The following DMGDH variants were observed in gnomAD, a reference collection of about 807,000 sequenced individuals.
The protein encoded by DMGDH is dimethylglycine dehydrogenase, also known as dimethylglycine dehydrogenase, mitochondrial.
Under a neutral mutation model 95.2 loss-of-function variants are expected in DMGDH, and 76 were observed. The ratio of observed to expected loss-of-function variants is 0.80; its 90% CI spans 0.66 to 0.97. DMGDH has a LOEUF of 0.97. Among genes scored for constraint, DMGDH ranks in the 50% least tolerant of loss-of-function variants. The probability of loss-of-function intolerance (pLI) is 0.00; values close to 1 mark genes in which losing one functional copy is unlikely to be tolerated. For synonymous variants in DMGDH, 345 were observed against 377.6 expected (o/e 0.91, Z 1.00); for missense variants, 987 against 1,055.0 (o/e 0.94, Z 0.89).
At chr5:79,027,211 A>G (rs1329313641) in intron 12 of DMGDH, among the ~76,000 whole-genome samples, 3 of 152,130 alleles carry the variant, frequency 2.0e-5, no homozygotes, top group African/African-American at 2.4e-5. Context: ...TTGTTGAGAC[A>G]GGGTCTCACT....
In DMGDH at chr5:78,998,048, A is replaced by G. The variant is rs771653648; in HGVS notation, c.*34T>C. On this transcript the variant is annotated 3_prime_UTR_variant, in exon 16 of 16. Coordinates refer to ENST00000255189, the MANE Select transcript of DMGDH (RefSeq NM_013391.3). ...AATAATTTCAAGGACAGTCATTAGCAACTCTAATTCAGTTGACTGCTGAAG... is the reference window on the plus strand; with the variant it reads ...AATAATTTCAAGGACAGTCATTAGCGACTCTAATTCAGTTGACTGCTGAAG... 6.2e-7 allele frequency: 1 copy of G among 1,606,228 alleles called. No homozygotes were observed.
At position 79,026,429 on chromosome 5, in the gene DMGDH, A is replaced by G; in HGVS notation, c.2185T>C (p.Leu729=). The G allele has an allele frequency of 6.2e-7, 1 of 1,614,018 alleles. No individual in the cohort carries two copies. Among genetic ancestry groups the G allele is most frequent in the Non-Finnish European group, 8.5e-7 (1 of 1,179,990 alleles). Residue 729 remains leucine, a synonymous_variant, in exon 13 of 16, where the codon TTA becomes CTA. Transcript: ENST00000255189. Reference sequence around the variant, plus strand: ...AAGATGCTAGCATTTCAAACCTCTAACCCCCAGGCTCTGAAGGCTTTCTCC... The same window carrying G: ...AAGATGCTAGCATTTCAAACCTCTAGCCCCCAGGCTCTGAAGGCTTTCTCC... ...RLEKAFRAWG[L]EMNCDTNPLE...
chr5:79,042,213 G>T, intron 7 of DMGDH, 70 bp downstream of exon 7: 3 of 1,423,640 alleles, frequency 2.1e-6, no homozygotes, highest in Non-Finnish European at 3.0e-6. Context: ...TGCATCCTGA[G>T]AATATGGAAC....
chr5:79,042,679 T>C (rs1346980456), intron 6 of DMGDH, among the ~76,000 whole-genome samples, 198 bp from the exon 7 acceptor site: 5 of 152,240 alleles, frequency 3.3e-5, no homozygotes, highest in Non-Finnish European at 7.3e-5. Context: ...ATGGTATTGT[T>C]CTTGAAACAA....
At position 79,035,032 on chromosome 5, in the gene DMGDH, G is replaced by A. The variant is rs6868881; in HGVS notation, c.1194-1624C>T. ...AGATCGCGCCACTGCACTCCAACCT[G>A]GGAGACACAGCGAGACTCCATCTCA... On this transcript the variant is annotated intron_variant, in intron 7 of 15. Coordinates refer to ENST00000255189, the MANE Select transcript of DMGDH (RefSeq NM_013391.3). Among the ~76,000 whole-genome samples, 571 of 130,310 alleles carry A rather than the reference G, an allele frequency of 4.4e-3. 7 individuals carry two copies. Among genetic ancestry groups the A allele is most frequent in the African/African-American group, 0.016 (541 of 34,030 alleles). 85.5% of individuals were successfully genotyped at this position (130,310 alleles called of 152,430 possible).
chr5:79,059,132 C>T (rs907870875), intron 2 of DMGDH, among the ~76,000 whole-genome samples: 2 of 152,142 alleles, frequency 1.3e-5, no homozygotes, highest in African/African-American at 4.8e-5. Flanking sequence ...CTCAAAAACA[C>T]TTTTTATTTT....
At chr5:78,999,507 AT>A (rs1213774221) in intron 15 of DMGDH, among the ~76,000 whole-genome samples, 1 of 150,132 alleles carries the variant, frequency 6.7e-6, no homozygotes, top group Non-Finnish European at 1.5e-5. Context: ...ATTTTTTTGT[AT>A]TTTTTTAGTA....
chr5:79,048,050 C>G (rs1447746201), intron 5 of DMGDH, among the ~76,000 whole-genome samples: 5 of 152,132 alleles, frequency 3.3e-5, no homozygotes, highest in Non-Finnish European at 7.4e-5. Context: ...AGTCTTAAGT[C>G]TGGTACCAAG....
intron 14 of DMGDH, among the ~76,000 whole-genome samples, chr5:79,009,160 G>A (rs1319741149): frequency 5.9e-5 from 9 of 152,066 alleles, no homozygotes. Flanking sequence ...TGTGTACTAT[G>A]TAAAAGTATC....
At chr5:79,016,016 G>C (rs1462603633) in intron 14 of DMGDH, among the ~76,000 whole-genome samples, 1 of 151,830 alleles carries the variant, frequency 6.6e-6, no homozygotes, top group African/African-American at 2.4e-5. Flanking sequence ...GAACTTCCAG[G>C]CAAGAATATA....
chr5:79,004,135 A>T (rs1025335758), intron 15 of DMGDH, among the ~76,000 whole-genome samples: 1 of 152,182 alleles, frequency 6.6e-6, no homozygotes, highest in African/African-American at 2.4e-5. Context: ...ACGTAACCTC[A>T]AGCAAGTTAC....
At chr5:79,049,675 T>C (rs1754779155) in intron 5 of DMGDH, among the ~76,000 whole-genome samples, 1 of 152,224 alleles carries the variant, frequency 6.6e-6, no homozygotes, top group Non-Finnish European at 1.5e-5. Context: ...TGACAGAATT[T>C]AGACCAGAGA....
At chr5:79,041,723 G>A (rs114422678) in intron 7 of DMGDH, among the ~76,000 whole-genome samples, 2,819 of 152,006 alleles carry the variant, frequency 0.019, 93 homozygotes, top group African/African-American at 0.064. Flanking sequence ...GGCCGGGTGC[G>A]GTGGTTCACA....
Position 79,066,793 on chromosome 5 carries a change from G to A in DMGDH, c.101+2727C>T, listed in dbSNP as rs776283744. 2.6e-5 allele frequency among the ~76,000 whole-genome samples: 4 copies of A among 152,254 alleles called. No homozygotes were observed. In the South Asian group the frequency reaches 6.2e-4, roughly 24 times the overall value. On this transcript the variant is annotated intron_variant, in intron 1 of 15. Transcript: ENST00000255189. ...TGTTTCTGTCTGATGACTTGCTTAA[G>A]GTGGTGTCTGTCTGATTTGTCTAGT...
At chr5:79,058,234 T>C (rs908571306) in intron 2 of DMGDH, among the ~76,000 whole-genome samples, 14 of 152,254 alleles carry the variant, frequency 9.2e-5, no homozygotes, top group Non-Finnish European at 2.1e-4. Context: ...ATTTAATTTT[T>C]ATACCCTTTC....
chr5:79,039,746 TCTC>T (rs1754454122), intron 7 of DMGDH, among the ~76,000 whole-genome samples: 1 of 152,016 alleles, frequency 6.6e-6, no homozygotes, highest in African/African-American at 2.4e-5. Context: ...GAACTTTCAG[TCTC>T]ACTCCCTACT....
At chr5:79,056,336 C>A (rs1755031053) in intron 2 of DMGDH, among the ~76,000 whole-genome samples, 1 of 151,758 alleles carries the variant, frequency 6.6e-6, no homozygotes, top group African/African-American at 2.4e-5. Flanking sequence ...CATGGTGAAA[C>A]CCCGTCTCTA....
chr5:79,069,557 AGCCCTGCAGCGG>A lies in DMGDH; in HGVS notation c.52_63del (p.Pro18_Gly21del). On this transcript the variant is annotated inframe_deletion, in exon 1 of 16. Coordinates refer to ENST00000255189, the MANE Select transcript of DMGDH (RefSeq NM_013391.3). ...CAGACAGAGCGCGGGCGCCCGGGGG[AGCCCTGCAGCGG>A]GCAGCTCCGCAGCAGGAGGCCCCGC... The A allele has an allele frequency of 3.8e-6, 5 of 1,326,608 alleles. No homozygotes were observed. Among genetic ancestry groups the A allele is most frequent in the Non-Finnish European group, 3.8e-6 (4 of 1,039,982 alleles). The allele number at this position is 1,326,608 out of a possible 1,614,324, so 82.2% of individuals were successfully genotyped here. A position where few individuals can be genotyped will look rare whatever the true frequency, so the allele number is the denominator to read the frequency against.
At chr5:79,047,759 C>A (rs1754724190) in intron 5 of DMGDH, among the ~76,000 whole-genome samples, 1 of 152,132 alleles carries the variant, frequency 6.6e-6, no homozygotes, top group African/African-American at 2.4e-5. Flanking sequence ...TATTCTCTCT[C>A]CTAGAAACAC....
Sources: allele counts gnomAD v4.1 joint callset (sites outside exome capture counted in the v4.1 genomes callset), GRCh38; gene constraint gnomAD v4.1.1; transcripts MANE v1.5; gene names NCBI Gene and HGNC (gene_info 2026-07-23, HGNC 2026-07-21).